EML5: variants seen among roughly 807,000 people sequenced by gnomAD.
The protein encoded by EML5 is echinoderm microtubule-associated protein-like 5.
A neutral mutation model predicts 250.0 loss-of-function variants in EML5; 120 were observed. The ratio of observed to expected loss-of-function variants is 0.48; its 90% CI spans 0.41 to 0.56. The LOEUF is 0.56. EML5 is among the 20% of genes least tolerant of loss of function. The pLI, the probability that EML5 is intolerant of heterozygous loss-of-function variation, is 0.00. For synonymous variants in EML5, 771 were observed against 806.5 expected (o/e 0.96, Z 0.75); for missense variants, 2,006 against 2,437.6 (o/e 0.82, Z 3.73).
At position 88,759,685 on chromosome 14, in the gene EML5, T is replaced by TAAAAAAAAAA. The variant is rs58676323; in HGVS notation, c.198-5024_198-5015dup. Among the ~76,000 whole-genome samples the TAAAAAAAAAA allele has an allele frequency of 6.6e-4, 61 of 92,888 alleles. 1 individual carries two copies. The highest frequency in any genetic ancestry group is 1.0e-3 in the African/African-American group (18 of 18,060). 60.9% of individuals were successfully genotyped at this position (92,888 alleles called of 152,430 possible). On this transcript the variant is annotated intron_variant, in intron 1 of 43. Coordinates refer to ENST00000554922, the MANE Select transcript of EML5 (RefSeq NM_183387.3). ...AGTGACAGGGCAAGTCACCATCTCT[T>TAAAAAAAAAA]AAAAAAAAAAAAAAAAAAACTGGGG...
chr14:88,623,660 C>T (rs1435702925), intron 36 of EML5: 3 of 152,272 alleles, frequency 2.0e-5, no homozygotes, highest in Non-Finnish European at 2.9e-5. Context: ...GATCCGCCCA[C>T]CTCGGCCTCC....
intron 1 of EML5, among the ~76,000 whole-genome samples, chr14:88,777,476 G>A (rs2094457653): frequency 6.6e-6 from 1 of 152,150 alleles, no homozygotes; most frequent in Admixed American, 6.5e-5. Flanking sequence ...TGAGCAATAA[G>A]TAATCCCAAG....
chr14:88,667,633 C>T (rs963465864), intron 21 of EML5, among the ~76,000 whole-genome samples: 1 of 152,074 alleles, frequency 6.6e-6, no homozygotes, highest in Non-Finnish European at 1.5e-5. Flanking sequence ...TGCTAGCTTG[C>T]CAGTAGAGGG....
At chr14:88,637,935 G>A (rs572583093) in intron 32 of EML5, among the ~76,000 whole-genome samples, 35 of 152,132 alleles carry the variant, frequency 2.3e-4, no homozygotes, top group Non-Finnish European at 4.1e-4. Flanking sequence ...AAAACACAAG[G>A]GTCTATGTGG....
intron 8 of EML5, among the ~76,000 whole-genome samples, chr14:88,717,232 G>A (rs572767374): frequency 7.2e-5 from 11 of 152,186 alleles, no homozygotes; most frequent in Non-Finnish European, 1.3e-4. Flanking sequence ...TGTTTCAGCA[G>A]AGACAACAGT....
chr14:88,658,640 G>A (rs1048748539), intron 25 of EML5, among the ~76,000 whole-genome samples: 4 of 151,916 alleles, frequency 2.6e-5, no homozygotes, highest in African/African-American at 9.7e-5. Context: ...AAACCAACTT[G>A]GTATTCTGCA....
At chr14:88,692,783 C>T (rs576278880) in intron 17 of EML5, among the ~76,000 whole-genome samples, 1 of 152,282 alleles carries the variant, frequency 6.6e-6, no homozygotes, top group South Asian at 2.1e-4. Context: ...AACGCATATG[C>T]TGTTATCTGA....
intron 22 of EML5, 78 bp downstream of exon 22, chr14:88,665,259 A>C: frequency 1.4e-6 from 2 of 1,420,926 alleles, no homozygotes; most frequent in Non-Finnish European, 1.9e-6. Context: ...CATAACAGTT[A>C]ATAAAAATTA....
chr14:88,649,941 AG>A lies in EML5; in HGVS notation c.4005-16del. On this transcript the variant is annotated splice_polypyrimidine_tract_variant and intron_variant, in intron 27 of 43. Coordinates refer to ENST00000554922, the MANE Select transcript of EML5 (RefSeq NM_183387.3). Reference sequence around the variant, plus strand: ...CTACTCCCTGCCTTCAAAAGGAGCAAGGGGGAAAAAAGTAGGAAAACATATA... The same window carrying A: ...CTACTCCCTGCCTTCAAAAGGAGCAAGGGGAAAAAAGTAGGAAAACATATA... The A allele has an allele frequency of 2.0e-6, 3 of 1,475,046 alleles. No homozygotes were observed. Among genetic ancestry groups the A allele is most frequent in the Non-Finnish European group, 2.7e-6 (3 of 1,113,988 alleles). The allele number at this position is 1,475,046 out of a possible 1,614,324, so 91.4% of individuals were successfully genotyped here.
At chr14:88,678,278 G>A (rs180709243) in intron 21 of EML5, among the ~76,000 whole-genome samples, 26 of 152,114 alleles carry the variant, frequency 1.7e-4, no homozygotes, top group Non-Finnish European at 3.7e-4. Flanking sequence ...ACACACTGGG[G>A]CCTCTTGGGG....
intron 20 of EML5, 138 bp downstream of exon 20, chr14:88,684,876 TA>T: frequency 1.3e-6 from 1 of 755,186 alleles, no homozygotes; most frequent in Non-Finnish European, 1.9e-6. Flanking sequence ...CTGTATACAT[TA>T]AATTTTTTTT....
chr14:88,648,593 C>T (rs1293016490), intron 28 of EML5, among the ~76,000 whole-genome samples: 1 of 152,060 alleles, frequency 6.6e-6, no homozygotes, highest in Non-Finnish European at 1.5e-5. Flanking sequence ...CTGGCCTCAA[C>T]TGATCCTTCA....
At chr14:88,752,478 TAA>T (rs1173581765) in intron 2 of EML5, among the ~76,000 whole-genome samples, 1 of 152,184 alleles carries the variant, frequency 6.6e-6, no homozygotes, top group Non-Finnish European at 1.5e-5. Context: ...GGATATGAAT[TAA>T]GTTTGTGCAA....
intron 35 of EML5, 75 bp downstream of exon 35, chr14:88,626,763 T>A: frequency 7.0e-7 from 1 of 1,430,940 alleles, no homozygotes; most frequent in Admixed American, 1.9e-5. Flanking sequence ...TCAACAACAT[T>A]CATGTGGCTG....
intron 27 of EML5, among the ~76,000 whole-genome samples, chr14:88,652,282 C>T (rs564807480): frequency 1.3e-5 from 2 of 152,122 alleles, no homozygotes; most frequent in Admixed American, 6.6e-5. Flanking sequence ...GGTATACCAT[C>T]AGCAAACGAC....
In EML5 at chr14:88,682,013, C is replaced by G; in HGVS notation, c.3001G>C (p.Val1001Leu). ...LLVQGHMEGE[V>L]WGLATHPYLP... ...TAAGGGTGTGTAGCTAAACCCCACA[C>G]CTCTCCTTCCATGTGTCCCTATAAA... is the stretch of plus-strand genomic sequence containing the variant. The change falls in exon 21 of 44, where the codon GTG (valine) becomes CTG (leucine). Residue 1001 changes from valine to leucine, a missense_variant. By Grantham distance (32) the Val-to-Leu change is conservative (BLOSUM62 1). Transcript: ENST00000554922. The G allele has an allele frequency of 6.2e-7, 1 of 1,604,946 alleles. No homozygotes were observed. The highest frequency in any genetic ancestry group is 1.1e-5 in the South Asian group (1 of 88,888).
chr14:88,682,142 C>T (rs17260380), intron 20 of EML5, 111 bp from the exon 21 acceptor site: 280,521 of 1,107,572 alleles, frequency 0.25, 36,462 homozygotes, highest in East Asian at 0.38. Context: ...AATAGGATAC[C>T]GAATAGTGAG....
At chr14:88,656,461 C>CT (rs1411354954) in intron 27 of EML5, among the ~76,000 whole-genome samples, 2 of 152,036 alleles carry the variant, frequency 1.3e-5, no homozygotes, top group Non-Finnish European at 2.9e-5. Context: ...ACACTGGGGC[C>CT]TGTCAGGGAG....
chr14:88,754,722 G>T (rs1595784830), intron 1 of EML5, 51 bp from the exon 2 acceptor site: 2 of 1,451,150 alleles, frequency 1.4e-6, no homozygotes, highest in Non-Finnish European at 1.9e-6. Flanking sequence ...TGCTTATACA[G>T]ATTTTATAGT....
Sources: allele counts gnomAD v4.1 joint callset (sites outside exome capture counted in the v4.1 genomes callset), GRCh38; gene constraint gnomAD v4.1.1; transcripts MANE v1.5; gene names NCBI Gene and HGNC (gene_info 2026-07-23, HGNC 2026-07-21).